The following CENPF variants were observed in gnomAD, a reference collection of about 807,000 sequenced individuals.
CENPF encodes the protein AH antigen.
Under a neutral mutation model 307.3 loss-of-function variants are expected in CENPF, and 214 were observed. The observed-to-expected ratio is 0.70, with a 90% CI of 0.62 to 0.78. The LOEUF (loss-of-function observed/expected upper bound fraction) is 0.78. Ranked by LOEUF, CENPF falls within the 30% of genes least tolerant of loss-of-function variation. CENPF has a pLI of 0.00. For synonymous variants in CENPF, 1,259 were observed against 1,270.6 expected (o/e 0.99, Z 0.19); for missense variants, 3,401 against 3,483.9 (o/e 0.98, Z 0.60).
intron 1 of CENPF, chr1:214,612,941 A>G (rs543947132): frequency 1.8e-5 from 4 of 224,610 alleles, no homozygotes; most frequent in East Asian, 1.1e-4. Flanking sequence ...GGAAGGGCCT[A>G]TGGTTTTTCT....
At chr1:214,608,179 T>A in intron 1 of CENPF, 1 of 927,844 alleles carries the variant, frequency 1.1e-6, no homozygotes, top group South Asian at 1.7e-5. Context: ...TCCGGCTCTC[T>A]GGCCCTGTGC....
At chr1:214,643,801 A>T (rs1323120742) in intron 12 of CENPF, among the ~76,000 whole-genome samples, 4 of 152,222 alleles carry the variant, frequency 2.6e-5, no homozygotes, top group African/African-American at 7.2e-5. Flanking sequence ...TTTTCTCTCT[A>T]ACAATTTACT....
chr1:214,606,045 C>G (rs1657019797), intron 1 of CENPF: 1 of 1,595,214 alleles, frequency 6.3e-7, no homozygotes, highest in African/African-American at 1.3e-5. Context: ...ATGCTCTGCC[C>G]GTACAGGATG....
intron 16 of CENPF, chr1:214,653,751 C>T (rs1282245403): frequency 1.3e-5 from 2 of 152,012 alleles, no homozygotes; most frequent in East Asian, 3.9e-4. Context: ...GGCTCTTATA[C>T]AACTATCAAG....
intron 3 of CENPF, among the ~76,000 whole-genome samples, chr1:214,617,532 C>A (rs1479931232): frequency 6.6e-6 from 1 of 152,098 alleles, no homozygotes; most frequent in Non-Finnish European, 1.5e-5. Context: ...GTGTTCAGAG[C>A]TTACTTGCAT....
In CENPF at chr1:214,639,922, G is replaced by A. The variant is rs751697296; in HGVS notation, c.1584G>A (p.Ala528=). 19 of 1,486,192 alleles carry A rather than the reference G, an allele frequency of 1.3e-5. No homozygotes were observed. In the East Asian group the frequency reaches 3.0e-4, roughly 23 times the overall value. 92.1% of individuals were successfully genotyped at this position (1,486,192 alleles called of 1,614,324 possible). A position where few individuals can be genotyped will look rare whatever the true frequency, so the allele number is the denominator to read the frequency against. ...QSQNFAEEMK[A]KNTSQETMLR... ...CGACTTTTATTTATTTTTAAATAGC[G>A]AAGAATACCTCTCAGGAAACCATGT... is the stretch of plus-strand genomic sequence containing the variant. Residue 528 remains alanine, a splice_region_variant and synonymous_variant, in exon 12 of 20, where the codon GCG becomes GCA. Transcript: ENST00000366955.
intron 10 of CENPF, 135 bp from the exon 11 acceptor site, chr1:214,637,731 A>T: frequency 1.3e-6 from 1 of 784,784 alleles, no homozygotes; most frequent in Non-Finnish European, 2.0e-6. Context: ...TTCATTAGGT[A>T]CTCAAACGGG....
chr1:214,659,461 CA>C lies in CENPF; in HGVS notation c.9141+434del, dbSNP rs1658737538. On this transcript the variant is annotated intron_variant, in intron 19 of 19. Coordinates refer to ENST00000366955, the MANE Select transcript of CENPF (RefSeq NM_016343.4). The surrounding 1 kb of genome is among the most constrained non-coding windows in gnomAD (Gnocchi z 4.4). ...TTTACTTTCTTAAAAAAAAAAAAAG[CA>C]CATATTTCAATAGATATCTAAGGAA... is the stretch of plus-strand genomic sequence containing the variant. 6.7e-6 allele frequency among the ~76,000 whole-genome samples: 1 copy of C among 149,860 alleles called. No homozygotes were observed. Among genetic ancestry groups the C allele is most frequent in the Non-Finnish European group, 1.5e-5 (1 of 67,570 alleles).
chr1:214,610,697 A>G (rs547633090), intron 1 of CENPF, among the ~76,000 whole-genome samples: 5 of 152,000 alleles, frequency 3.3e-5, no homozygotes, highest in East Asian at 3.9e-4. Context: ...ATTAGATCTC[A>G]TTTGTCAATT....
chr1:214,633,612 G>A (rs1417558262), intron 10 of CENPF, among the ~76,000 whole-genome samples: 1 of 152,164 alleles, frequency 6.6e-6, no homozygotes, highest in Non-Finnish European at 1.5e-5. Context: ...TATCCCCACC[G>A]CTTTGCAGAG....
chr1:214,647,840 G>A, intron 13 of CENPF: 3 of 333,306 alleles, frequency 9.0e-6, no homozygotes, highest in East Asian at 7.7e-5. Context: ...TCAGGACAAA[G>A]CACTTTTAAA....
chr1:214,633,697 G>C, intron 10 of CENPF, among the ~76,000 whole-genome samples: 1 of 152,054 alleles, frequency 6.6e-6, no homozygotes, highest in East Asian at 1.9e-4. Flanking sequence ...CCCCAAAGGG[G>C]CAATACTGCT....
rs1368170802 is a variant in CENPF at position 214,664,057 on chromosome 1, T to A, written c.*263T>A. The A allele has an allele frequency of 1.6e-5, 5 of 317,264 alleles. No individual in the cohort carries two copies. Among genetic ancestry groups the A allele is most frequent in the Non-Finnish European group, 2.9e-5 (5 of 174,882 alleles). The allele number at this position is 317,264 out of a possible 1,614,324, so 19.7% of individuals were successfully genotyped here. ...CTATGTATATAAAGCTTTTTGGTAA[T>A]ATGTTACAATTAAAATGACAAGCAC... On this transcript the variant is annotated 3_prime_UTR_variant, in exon 20 of 20. Transcript: ENST00000366955.
chr1:214,647,397 A>G lies in CENPF; in HGVS notation c.7827A>G (p.Glu2609=). The change falls in exon 13 of 20, where the codon GAA becomes GAG. Residue 2609 remains glutamate (E), a synonymous_variant. Transcript: ENST00000366955. ...LTKMDKMSFV[E]KVNKMTAKET... is the part of the protein sequence containing the mutation. Reference sequence around the variant, plus strand: ...AAATGGACAAAATGTCCTTTGTTGAAAAAGTAAGTGGCTATATCTGTTTAT... The same window carrying G: ...AAATGGACAAAATGTCCTTTGTTGAGAAAGTAAGTGGCTATATCTGTTTAT... 2 of 1,604,926 alleles carry G rather than the reference A, an allele frequency of 1.2e-6. No homozygotes were observed. The highest frequency in any genetic ancestry group is 1.7e-6 in the Non-Finnish European group (2 of 1,175,198).
At chr1:214,657,546 G>C (rs1330292248) in intron 18 of CENPF, 137 bp downstream of exon 18, 2 of 647,066 alleles carry the variant, frequency 3.1e-6, no homozygotes, top group Admixed American at 2.9e-5. Context: ...GCAATAGTCT[G>C]CTTTTAAATG....
chr1:214,629,924 T>A (rs77283656), intron 8 of CENPF, among the ~76,000 whole-genome samples: 6,581 of 152,164 alleles, frequency 0.043, 217 homozygotes, highest in East Asian at 0.12. Context: ...GGGAAAGTGG[T>A]TGGCAGAAGA....
chr1:214,627,016 C>G (rs1571704873), intron 7 of CENPF, among the ~76,000 whole-genome samples: 1 of 152,184 alleles, frequency 6.6e-6, no homozygotes. Flanking sequence ...ATATTTTTGA[C>G]TAGGATACTG....
chr1:214,659,871 G>A lies in CENPF; in HGVS notation c.9141+843G>A, dbSNP rs1241617983. Among the ~76,000 whole-genome samples the A allele has an allele frequency of 1.3e-5, 2 of 152,114 alleles. No individual in the cohort carries two copies. Among genetic ancestry groups the A allele is most frequent in the African/African-American group, 4.8e-5 (2 of 41,422 alleles). On this transcript the variant is annotated intron_variant, in intron 19 of 19. Transcript: ENST00000366955. The surrounding 1 kb of genome is among the most constrained non-coding windows in gnomAD (Gnocchi z 4.4). ...AGGGGGATATTTTTGGAAGTTGCTGGAATAGCTTCAAAGAGTTTGAACAGT... is the reference window on the plus strand; with the variant it reads ...AGGGGGATATTTTTGGAAGTTGCTGAAATAGCTTCAAAGAGTTTGAACAGT...
At chr1:214,605,072 C>T (rs760705215) in intron 1 of CENPF, among the ~76,000 whole-genome samples, 46 of 152,088 alleles carry the variant, frequency 3.0e-4, no homozygotes, top group Admixed American at 7.2e-4. Flanking sequence ...TTCTCAAACT[C>T]TTGCCTAAGT....
Sources: gnomAD v4.1 joint callset for allele counts (sites outside exome capture counted in the v4.1 genomes callset) on GRCh38, gnomAD v4.1.1 for gene constraint, Gnocchi (gnomAD v3.1) non-coding constraint, MANE v1.5 for transcripts, NCBI Gene and HGNC (gene_info 2026-07-23, HGNC 2026-07-21) for gene names.